Variants in MSH3 observed in about 807,000 individuals in gnomAD.
MSH3 encodes DNA mismatch repair protein Msh3.
Under a neutral mutation model 123.3 loss-of-function variants are expected in MSH3, and 106 were observed. The observed-to-expected ratio is 0.86, with a 90% CI of 0.73 to 1.01. MSH3 has a LOEUF of 1.01. MSH3 is among the 50% of genes least tolerant of loss of function. MSH3 has a pLI of 0.00. For missense variants in MSH3, 1,459 were observed against 1,347.6 expected (o/e 1.08, Z -1.29); for synonymous variants, 515 against 481.4 (o/e 1.07, Z -0.91).
chr5:80,655,049 C>A, intron 1 of MSH3, 85 bp downstream of exon 1: 1 of 773,768 alleles, frequency 1.3e-6, no homozygotes, highest in Non-Finnish European at 1.9e-6. Context: ...GGGGACCCTC[C>A]GCCCGATGAT....
chr5:80,825,432 C>G (rs1745276475), intron 20 of MSH3, among the ~76,000 whole-genome samples: 1 of 152,128 alleles, frequency 6.6e-6, no homozygotes, highest in South Asian at 2.1e-4. Flanking sequence ...GGTACATATA[C>G]TTTGAGTTCA....
At chr5:80,856,368 TAC>T (rs1242819654) in intron 21 of MSH3, among the ~76,000 whole-genome samples, 2 of 151,918 alleles carry the variant, frequency 1.3e-5, no homozygotes, top group African/African-American at 4.8e-5. Flanking sequence ...TTATAGAAAC[TAC>T]GTAGGAAATG....
intron 8 of MSH3, among the ~76,000 whole-genome samples, chr5:80,685,223 T>TC (rs746079801): frequency 3.7e-5 from 4 of 109,118 alleles, no homozygotes; most frequent in Non-Finnish European, 7.7e-5. Context: ...TTTTTTTTTT[T>TC]CCCAGAATAG....
intron 13 of MSH3, among the ~76,000 whole-genome samples, chr5:80,764,324 A>G (rs571589315): frequency 6.6e-6 from 1 of 152,220 alleles, no homozygotes; most frequent in East Asian, 1.9e-4. Flanking sequence ...TTATGGTGAT[A>G]ATGATAGAGG....
chr5:80,768,187 T>C (rs1246727179), intron 14 of MSH3, 67 bp downstream of exon 14: 4 of 1,362,026 alleles, frequency 2.9e-6, no homozygotes, highest in East Asian at 2.3e-5. Context: ...TGCCATTTAT[T>C]TGTGGATTCT....
At chr5:80,688,593 T>G (rs1033195998) in intron 8 of MSH3, among the ~76,000 whole-genome samples, 5 of 152,038 alleles carry the variant, frequency 3.3e-5, no homozygotes, top group Non-Finnish European at 7.4e-5. Context: ...ATGGAAAATA[T>G]TTAGCAGAGT....
chr5:80,705,107 A>G (rs1241250404), intron 8 of MSH3, among the ~76,000 whole-genome samples: 1 of 152,272 alleles, frequency 6.6e-6, no homozygotes, highest in Non-Finnish European at 1.5e-5. Flanking sequence ...CATAGTGCTC[A>G]TTAAATATTA....
intron 9 of MSH3, among the ~76,000 whole-genome samples, chr5:80,726,924 A>G (rs1262088999): frequency 2.0e-5 from 3 of 152,334 alleles, no homozygotes; most frequent in African/African-American, 7.2e-5. Context: ...TTACAAGCAG[A>G]GCATGTGTTG....
At chr5:80,856,036 C>G (rs182451879) in intron 21 of MSH3, among the ~76,000 whole-genome samples, 17 of 152,082 alleles carry the variant, frequency 1.1e-4, no homozygotes, top group African/African-American at 3.9e-4. Flanking sequence ...AGGCACACAC[C>G]AACCATACCC....
chr5:80,689,557 A>C (rs1750181013), intron 8 of MSH3, among the ~76,000 whole-genome samples: 1 of 152,178 alleles, frequency 6.6e-6, no homozygotes, highest in African/African-American at 2.4e-5. Flanking sequence ...CTATTTTAAC[A>C]GGAATAAAGT....
intron 20 of MSH3, among the ~76,000 whole-genome samples, chr5:80,838,475 G>A (rs1385777609): frequency 1.3e-5 from 2 of 152,172 alleles, no homozygotes; most frequent in African/African-American, 2.4e-5. Context: ...TTCAGTGAGT[G>A]CCCAAGACAG....
intron 20 of MSH3, among the ~76,000 whole-genome samples, chr5:80,830,468 C>A (rs1310902265): frequency 1.3e-5 from 2 of 152,118 alleles, no homozygotes; most frequent in African/African-American, 4.8e-5. Flanking sequence ...AAGGATGCAG[C>A]CTCTGGTTAT....
rs948874221 is a variant in MSH3 at position 80,854,022 on chromosome 5, A to T, written c.2814-108A>T. On this transcript the variant is annotated intron_variant, in intron 20 of 23. Transcript: ENST00000265081. ...TAATTTGAGCTATTATTGGCTCAAAATATATAGATTCTTAGTGATCTTTTA... is the reference window on the plus strand; with the variant it reads ...TAATTTGAGCTATTATTGGCTCAAATTATATAGATTCTTAGTGATCTTTTA... 10 of 940,410 alleles carry T rather than the reference A, an allele frequency of 1.1e-5. No homozygotes were observed. In the South Asian group the frequency reaches 1.2e-4, roughly 11 times the overall value. The allele number at this position is 940,410 out of a possible 1,614,324, so 58.3% of individuals were successfully genotyped here. A position where few individuals can be genotyped will look rare whatever the true frequency, so the allele number is the denominator to read the frequency against.
In MSH3 at chr5:80,665,301, A is replaced by T; in HGVS notation, c.517A>T (p.Ser173Cys). The T allele has an allele frequency of 6.2e-7, 1 of 1,613,818 alleles. No individual in the cohort carries two copies. Among genetic ancestry groups the T allele is most frequent in the Non-Finnish European group, 8.5e-7 (1 of 1,179,994 alleles). The change falls in exon 3 of 24, where the codon AGT becomes TGT. Residue 173 changes from serine (S) to cysteine (C), a missense_variant. Transcript: ENST00000265081. ...AAAATGTACTGATTTTGATGATATC[A>T]GTCTTCTACACGCAAAGAATGCAGT... The part of the protein sequence containing the change: ...LPKCTDFDDI[S>C]LLHAKNAVSS...
chr5:80,752,049 C>G (rs1743848983), intron 12 of MSH3, among the ~76,000 whole-genome samples: 1 of 152,012 alleles, frequency 6.6e-6, no homozygotes, highest in South Asian at 2.1e-4. Context: ...ATTCTCTTAT[C>G]TTTGACAAAT....
chr5:80,722,324 T>C (rs1380770334), intron 8 of MSH3, among the ~76,000 whole-genome samples: 2 of 152,202 alleles, frequency 1.3e-5, no homozygotes, highest in African/African-American at 4.8e-5. Context: ...GAAAAAAATA[T>C]TGAGAAACTT....
At chr5:80,703,158 A>G (rs1051908729) in intron 8 of MSH3, among the ~76,000 whole-genome samples, 3 of 152,246 alleles carry the variant, frequency 2.0e-5, no homozygotes, top group African/African-American at 7.2e-5. Flanking sequence ...AATAAATGAC[A>G]GGTTTAGGAA....
chr5:80,738,843 T>C (rs1743561291), intron 10 of MSH3, among the ~76,000 whole-genome samples: 1 of 152,224 alleles, frequency 6.6e-6, no homozygotes, highest in Admixed American at 6.5e-5. Flanking sequence ...GATTAGGTTA[T>C]GAGGGCAGAT....
chr5:80,744,183 A>G (rs1438441554), intron 11 of MSH3, among the ~76,000 whole-genome samples: 1 of 152,224 alleles, frequency 6.6e-6, no homozygotes, highest in Non-Finnish European at 1.5e-5. Flanking sequence ...AAATTAAGTC[A>G]TCTTCCTATG....
Sources: gnomAD v4.1 joint callset for allele counts (sites outside exome capture counted in the v4.1 genomes callset) on GRCh38, gnomAD v4.1.1 for gene constraint, MANE v1.5 for transcripts, NCBI Gene and HGNC (gene_info 2026-07-23, HGNC 2026-07-21) for gene names.